Variants in PEAK1 observed in about 807,000 individuals in gnomAD.
PEAK1 encodes the protein pseudopodium enriched atypical kinase 1, also known as inactive tyrosine-protein kinase PEAK1.
Under a neutral mutation model 124.7 loss-of-function variants are expected in PEAK1, and 54 were observed. That is an observed-to-expected ratio of 0.43 (90% CI 0.35 to 0.54). The LOEUF (loss-of-function observed/expected upper bound fraction) is 0.54, where lower values mean the gene tolerates loss of function less well. Among genes scored for constraint, PEAK1 ranks in the 20% least tolerant of loss-of-function variants. PEAK1 has a pLI of 0.01. For missense variants in PEAK1, 2,046 were observed against 2,134.5 expected, an observed-to-expected ratio of 0.96 and a Z score of 0.82; for synonymous variants, 719 against 760.0, an observed-to-expected ratio of 0.95 and a Z score of 0.89.
chr15:77,297,921 G>T (rs1211170674), intron 2 of PEAK1, among the ~76,000 whole-genome samples: 1 of 150,544 alleles, frequency 6.6e-6, no homozygotes, highest in Non-Finnish European at 1.5e-5. Flanking sequence ...AGCCGGGCTT[G>T]GTGGCGGGCG....
At chr15:77,128,288 T>C (rs772848549) in intron 9 of PEAK1, among the ~76,000 whole-genome samples, 1 of 152,186 alleles carries the variant, frequency 6.6e-6, no homozygotes, top group Non-Finnish European at 1.5e-5. Context: ...GGAAGGCTAC[T>C]GAACTTGGAT....
At chr15:77,310,845 C>G (rs893618567) in intron 2 of PEAK1, among the ~76,000 whole-genome samples, 7 of 152,094 alleles carry the variant, frequency 4.6e-5, no homozygotes, top group Admixed American at 1.3e-4. Context: ...ATACCACATG[C>G]AAAGGTTCTG....
intron 1 of PEAK1, among the ~76,000 whole-genome samples, chr15:77,371,858 C>T (rs762100878): frequency 7.6e-4 from 116 of 152,278 alleles, no homozygotes; most frequent in African/African-American, 2.7e-3. Flanking sequence ...CGCTCCAACC[C>T]GGGAGACAGA....
intron 5 of PEAK1, among the ~76,000 whole-genome samples, chr15:77,258,046 G>A (rs572822975): frequency 9.2e-5 from 14 of 152,180 alleles, no homozygotes; most frequent in African/African-American, 3.1e-4. Flanking sequence ...GTAGACATGC[G>A]GTGTCATTTC....
intron 1 of PEAK1, among the ~76,000 whole-genome samples, chr15:77,385,301 T>G (rs913279506): frequency 6.6e-6 from 1 of 152,186 alleles, no homozygotes; most frequent in Non-Finnish European, 1.5e-5. Flanking sequence ...TAGAGGTGGT[T>G]AAAACAAATG....
intron 8 of PEAK1, chr15:77,157,427 A>T (rs1159117943): frequency 1.3e-5 from 2 of 152,238 alleles, no homozygotes; most frequent in Non-Finnish European, 2.9e-5. Context: ...AGAAGGAAGG[A>T]AAGTGTGTGG....
chr15:77,224,607 C>T (rs1240440644), intron 6 of PEAK1, among the ~76,000 whole-genome samples: 3 of 151,988 alleles, frequency 2.0e-5, no homozygotes, highest in East Asian at 3.8e-4. Context: ...AGAGACACTT[C>T]CTACAGAGAT....
intron 8 of PEAK1, among the ~76,000 whole-genome samples, chr15:77,154,985 A>T (rs917411448): frequency 6.6e-6 from 1 of 151,972 alleles, no homozygotes; most frequent in African/African-American, 2.4e-5. Flanking sequence ...CTTCTCGAGG[A>T]GTATCTGTGG....
In PEAK1 at chr15:77,378,168, A is replaced by G. The variant is rs1001125246; in HGVS notation, c.-665-12943T>C. ...AAAACTGTAAGTTTCTAAGGACTGCACTGACTCTGTATAACAATATTATAT... is the reference window on the plus strand; with the variant it reads ...AAAACTGTAAGTTTCTAAGGACTGCGCTGACTCTGTATAACAATATTATAT... On this transcript the variant is annotated intron_variant, in intron 1 of 9. Transcript: ENST00000682557. 8.8e-4 allele frequency among the ~76,000 whole-genome samples: 128 copies of G among 145,762 alleles called. 2 individuals are homozygous for G. In the Admixed American group the frequency reaches 9.1e-3, roughly 10 times the overall value.
At chr15:77,245,710 A>G (rs895235035) in intron 6 of PEAK1, among the ~76,000 whole-genome samples, 1 of 152,208 alleles carries the variant, frequency 6.6e-6, no homozygotes, top group Admixed American at 6.5e-5. Flanking sequence ...TCTCAAAAAA[A>G]AAAGTAAAAA....
intron 3 of PEAK1, 122 bp from the exon 4 acceptor site, chr15:77,285,177 T>C (rs2152972563): frequency 6.6e-6 from 1 of 152,286 alleles, no homozygotes; most frequent in Middle Eastern, 3.4e-3. Context: ...TGGTACTTAC[T>C]AGCTATGTGA....
At chr15:77,358,182 C>T (rs539988005) in intron 2 of PEAK1, among the ~76,000 whole-genome samples, 19 of 152,258 alleles carry the variant, frequency 1.2e-4, no homozygotes, top group Admixed American at 6.5e-4. Flanking sequence ...TCTCTACTTC[C>T]ACAATTTTGC....
At position 77,413,856 on chromosome 15, in the gene PEAK1, C is replaced by T. The variant is rs544712127; in HGVS notation, c.-666+6150G>A. ...TTTGTTTCTTTGAGACAGGGTCTTACTCTGTTGCCCAGACTGGGGTGCAGT... is the reference window on the plus strand; with the variant it reads ...TTTGTTTCTTTGAGACAGGGTCTTATTCTGTTGCCCAGACTGGGGTGCAGT... On this transcript the variant is annotated intron_variant, in intron 1 of 9. Coordinates refer to ENST00000682557, the MANE Select transcript of PEAK1 (RefSeq NM_001385026.1). Among the ~76,000 whole-genome samples, 3 of 152,314 alleles carry T rather than the reference C, an allele frequency of 2.0e-5. No homozygotes were observed. The East Asian group carries it at 5.8e-4, about 29-fold the overall frequency.
At chr15:77,154,542 T>C (rs552240570) in intron 8 of PEAK1, among the ~76,000 whole-genome samples, 12 of 152,344 alleles carry the variant, frequency 7.9e-5, no homozygotes, top group Non-Finnish European at 1.5e-4. Context: ...TGTTAGCTGG[T>C]TATTTTGCTC....
intron 6 of PEAK1, among the ~76,000 whole-genome samples, chr15:77,199,519 T>C (rs2058262790): frequency 6.6e-6 from 1 of 152,206 alleles, no homozygotes; most frequent in African/African-American, 2.4e-5. Flanking sequence ...ACATTGTTGT[T>C]ACAGAAAAAG....
intron 1 of PEAK1, among the ~76,000 whole-genome samples, chr15:77,368,510 G>A (rs1470712622): frequency 6.7e-6 from 1 of 149,822 alleles, no homozygotes; most frequent in African/African-American, 2.5e-5. Context: ...AGAGCAAGAT[G>A]CCATCTCAAA....
At chr15:77,198,323 T>G (rs2058205941) in intron 6 of PEAK1, among the ~76,000 whole-genome samples, 1 of 152,212 alleles carries the variant, frequency 6.6e-6, no homozygotes, top group African/African-American at 2.4e-5. Context: ...TATCATATCA[T>G]GTTTATTTTT....
intron 9 of PEAK1, among the ~76,000 whole-genome samples, chr15:77,125,457 T>C (rs1221797502): frequency 2.0e-5 from 3 of 152,180 alleles, no homozygotes; most frequent in African/African-American, 7.2e-5. Context: ...CTTAACTTTG[T>C]GCCAAATGAT....
intron 2 of PEAK1, among the ~76,000 whole-genome samples, chr15:77,326,463 T>C (rs1313222687): frequency 6.6e-6 from 1 of 152,156 alleles, no homozygotes; most frequent in East Asian, 1.9e-4. Context: ...AGAATGAGAA[T>C]ACACATTTTC....
Sources: gnomAD v4.1 joint callset for allele counts (sites outside exome capture counted in the v4.1 genomes callset) on GRCh38, gnomAD v4.1.1 for gene constraint, MANE v1.5 for transcripts, NCBI Gene and HGNC (gene_info 2026-07-23, HGNC 2026-07-21) for gene names.